Variants in NALCN observed in about 807,000 individuals in gnomAD.
NALCN encodes the protein sodium leak channel NALCN.
NALCN carries 111 observed loss-of-function variants against 225.3 expected under a neutral mutation model. The observed-to-expected ratio is 0.49, with a 90% confidence interval of 0.42 to 0.58. The LOEUF (loss-of-function observed/expected upper bound fraction) is 0.58. NALCN is among the 20% of genes least tolerant of loss of function. The probability of loss-of-function intolerance (pLI) is 0.00; values close to 1 mark genes in which losing one functional copy is unlikely to be tolerated. For synonymous variants in NALCN, 764 were observed against 769.0 expected, an observed-to-expected ratio of 0.99 and a Z score of 0.11; for missense variants, 1,378 against 2,202.4, an observed-to-expected ratio of 0.63 and a Z score of 7.49.
intron 43 of NALCN, 71 bp downstream of exon 43, chr13:101,057,868 C>A: frequency 8.0e-7 from 1 of 1,247,018 alleles, no homozygotes; most frequent in Non-Finnish European, 1.2e-6. Flanking sequence ...AAGGCAAGAC[C>A]CAAAACACAC....
At chr13:101,414,847 A>T (rs768502790) in intron 1 of NALCN, among the ~76,000 whole-genome samples, 1 of 152,224 alleles carries the variant, frequency 6.6e-6, no homozygotes, top group Non-Finnish European at 1.5e-5. Context: ...TATGTCTTCT[A>T]TGAACACAGA....
chr13:101,324,127 T>G (rs1388232177), intron 7 of NALCN, among the ~76,000 whole-genome samples: 1 of 152,212 alleles, frequency 6.6e-6, no homozygotes, highest in Non-Finnish European at 1.5e-5. Flanking sequence ...CTGTGAAGGT[T>G]AGAATGGCTT....
intron 11 of NALCN, among the ~76,000 whole-genome samples, chr13:101,245,637 C>G (rs922708601): frequency 2.6e-5 from 4 of 152,068 alleles, no homozygotes; most frequent in Admixed American, 6.5e-5. Flanking sequence ...CATGCTCAAC[C>G]GATATACCTG....
intron 17 of NALCN, among the ~76,000 whole-genome samples, chr13:101,126,253 T>C (rs1239633334): frequency 6.6e-6 from 1 of 152,344 alleles, no homozygotes; most frequent in East Asian, 1.9e-4. Context: ...AACATACTGG[T>C]GATTTCCCCC....
chr13:101,162,439 T>C (rs945059058), intron 15 of NALCN, among the ~76,000 whole-genome samples: 1 of 152,272 alleles, frequency 6.6e-6, no homozygotes, highest in Non-Finnish European at 1.5e-5. Context: ...AAACGGACTG[T>C]GTGAAAGTTG....
intron 3 of NALCN, among the ~76,000 whole-genome samples, chr13:101,379,530 C>T (rs2046787824): frequency 6.6e-6 from 1 of 152,092 alleles, no homozygotes; most frequent in Non-Finnish European, 1.5e-5. Flanking sequence ...GAATACTATG[C>T]AGCCATAAAA....
rs111392032 is a variant in NALCN at position 101,126,176 on chromosome 13, A to G, written c.2119-1495T>C. Among the ~76,000 whole-genome samples, 119 of 152,338 alleles carry G rather than the reference A, an allele frequency of 7.8e-4. 2 individuals are homozygous for G. The highest frequency in any genetic ancestry group is 2.8e-3 in the African/African-American group (115 of 41,568). ...TTTAGTCACAAATGATAACCTAGAT[A>G]ACATCAAAACTAGCAATCCACTTTT... On this transcript the variant is annotated intron_variant, in intron 17 of 43. Coordinates refer to ENST00000251127, the MANE Select transcript of NALCN (RefSeq NM_052867.4).
intron 3 of NALCN, among the ~76,000 whole-genome samples, chr13:101,389,955 G>A (rs1447530428): frequency 2.6e-5 from 4 of 152,086 alleles, no homozygotes; most frequent in Non-Finnish European, 5.9e-5. Context: ...GGTGGTGCGT[G>A]CCTGTAATCT....
intron 3 of NALCN, among the ~76,000 whole-genome samples, chr13:101,382,459 A>C (rs1163917392): frequency 6.6e-6 from 1 of 152,106 alleles, no homozygotes; most frequent in Non-Finnish European, 1.5e-5. Flanking sequence ...CTTTAACAAA[A>C]TCACTTCTCC....
At chr13:101,130,772 A>AT (rs1418409097) in intron 17 of NALCN, among the ~76,000 whole-genome samples, 1 of 152,188 alleles carries the variant, frequency 6.6e-6, no homozygotes, top group East Asian at 1.9e-4. Context: ...TAGATAATAT[A>AT]TTTTTAAAAA....
rs375616707 is a variant in NALCN, at chr13:101,296,473, T to C, written c.800-4107A>G. On this transcript the variant is annotated intron_variant, in intron 7 of 43. Transcript: ENST00000251127. ...TATATAAACATAAAAACCCATGCTA[T>C]ACACACAGAAAAGTCTTCATCTACT... Among the ~76,000 whole-genome samples, 57 of 152,354 alleles carry C rather than the reference T, an allele frequency of 3.7e-4. 1 individual carries two copies. Among genetic ancestry groups the C allele is most frequent in the African/African-American group, 1.2e-3 (51 of 41,590 alleles).
chr13:101,311,717 A>T (rs2044353065), intron 7 of NALCN, among the ~76,000 whole-genome samples: 2 of 152,138 alleles, frequency 1.3e-5, no homozygotes, highest in Non-Finnish European at 2.9e-5. Context: ...AGCCCACCTG[A>T]TCATGGTGGA....
At chr13:101,095,019 T>C (rs2139573385) in intron 28 of NALCN, among the ~76,000 whole-genome samples, 1 of 152,336 alleles carries the variant, frequency 6.6e-6, no homozygotes, top group African/African-American at 2.4e-5. Context: ...AGGTACTAGG[T>C]ATTTCTAGCT....
chr13:101,117,075 C>T (rs1440225547), intron 18 of NALCN: 1 of 445,558 alleles, frequency 2.2e-6, no homozygotes, highest in Non-Finnish European at 4.5e-6. Context: ...CAGCCCTATC[C>T]TGAGTAAATG....
Position 101,176,321 on chromosome 13 carries a change from T to A in NALCN, c.1818A>T (p.Glu606Asp). ...TTACTTGTTTAAGCTTCTTTAGGTC[T>A]TCATCAAGTTCTAAGTTGTCCAAAA... ...AVILDNLELD[E>D]DLKKLKQLKQ... is the part of the protein sequence containing the mutation. Residue 606 changes from glutamate (E) to aspartate (D), a missense_variant, in exon 15 of 44, where the codon GAA becomes GAT. Physicochemically the swap from Glu to Asp is conservative, Grantham distance 45 (BLOSUM62 2). Coordinates refer to ENST00000251127, the MANE Select transcript of NALCN (RefSeq NM_052867.4). The A allele has an allele frequency of 6.3e-7, 1 of 1,593,310 alleles. No individual in the cohort carries two copies. The highest frequency in any genetic ancestry group is 2.3e-5 in the East Asian group (1 of 43,448).
chr13:101,133,774 T>C (rs575243866), intron 17 of NALCN, among the ~76,000 whole-genome samples: 8 of 152,228 alleles, frequency 5.3e-5, no homozygotes, highest in Non-Finnish European at 1.2e-4. Flanking sequence ...TGATTATGGA[T>C]GTATATAAAG....
chr13:101,352,713 T>G lies in NALCN; in HGVS notation c.645-7293A>C, dbSNP rs137864511. ...AGTAGGTGAGAAAGGACAAAAAAGGTCAAAAGATACTCACAAAATAAATTA... is the reference window on the plus strand; with the variant it reads ...AGTAGGTGAGAAAGGACAAAAAAGGGCAAAAGATACTCACAAAATAAATTA... On this transcript the variant is annotated intron_variant, in intron 6 of 43. Coordinates refer to ENST00000251127, the MANE Select transcript of NALCN (RefSeq NM_052867.4). Among the ~76,000 whole-genome samples the G allele has an allele frequency of 1.6e-3, 243 of 152,174 alleles. 1 individual carries two copies. Among genetic ancestry groups the G allele is most frequent in the African/African-American group, 5.3e-3 (222 of 41,526 alleles).
intron 7 of NALCN, among the ~76,000 whole-genome samples, chr13:101,319,338 G>T (rs1161394629): frequency 1.3e-5 from 2 of 152,072 alleles, no homozygotes; most frequent in African/African-American, 4.8e-5. Flanking sequence ...TGATGTTCTT[G>T]CTTCATCCTG....
At chr13:101,303,924 A>C (rs562552452) in intron 7 of NALCN, among the ~76,000 whole-genome samples, 1 of 152,330 alleles carries the variant, frequency 6.6e-6, no homozygotes, top group African/African-American at 2.4e-5. Flanking sequence ...ATCCCTGGAA[A>C]CACTAGCTAA....
Sources: allele counts gnomAD v4.1 joint callset (sites outside exome capture counted in the v4.1 genomes callset), GRCh38; gene constraint gnomAD v4.1.1; transcripts MANE v1.5; gene names NCBI Gene and HGNC (gene_info 2026-07-23, HGNC 2026-07-21).